The following NBEA variants were observed in gnomAD, a reference collection of about 807,000 sequenced individuals.
The protein encoded by NBEA is lysosomal-trafficking regulator 2.
A neutral mutation model predicts 343.4 loss-of-function variants in NBEA; 44 were observed. The observed-to-expected ratio is 0.13, with a 90% CI of 0.10 to 0.16. NBEA has a LOEUF of 0.16. Among genes scored for constraint, NBEA ranks in the 10% least tolerant of loss-of-function variants. The probability of loss-of-function intolerance (pLI) is 1.00; values close to 1 mark genes in which losing one functional copy is unlikely to be tolerated. For missense variants in NBEA, 2,555 were observed against 3,631.3 expected (o/e 0.70, Z 7.62); for synonymous variants, 1,175 against 1,238.7 (o/e 0.95, Z 1.08).
At chr13:35,660,144 C>T (rs1019540857) in intron 55 of NBEA, among the ~76,000 whole-genome samples, 2 of 152,192 alleles carry the variant, frequency 1.3e-5, no homozygotes, top group South Asian at 2.1e-4. Flanking sequence ...GATCTTAGGA[C>T]TTGACATTTC....
At chr13:35,606,370 T>G (rs1254634760) in intron 47 of NBEA, 56 bp from the exon 48 acceptor site, 12 of 1,033,192 alleles carry the variant, frequency 1.2e-5, no homozygotes, top group Middle Eastern at 2.2e-4. Flanking sequence ...GTTAATAGTT[T>G]TATTCAACTG....
At chr13:34,979,077 A>G (rs2152505012) in intron 1 of NBEA, among the ~76,000 whole-genome samples, 1 of 152,300 alleles carries the variant, frequency 6.6e-6, no homozygotes, top group South Asian at 2.1e-4. Flanking sequence ...TATTTTCAAC[A>G]ATGTATAACA....
chr13:35,106,342 A>G (rs905200330), intron 11 of NBEA, among the ~76,000 whole-genome samples: 2 of 152,012 alleles, frequency 1.3e-5, no homozygotes, highest in African/African-American at 2.4e-5. Context: ...TACATTTAAA[A>G]GCAGAGTCAG....
intron 1 of NBEA, among the ~76,000 whole-genome samples, chr13:35,000,833 A>G (rs2061108823): frequency 6.6e-6 from 1 of 152,090 alleles, no homozygotes; most frequent in African/African-American, 2.4e-5. Context: ...TATACCAAAA[A>G]TATCAATAGC....
At chr13:35,573,387 T>A (rs991339183) in intron 45 of NBEA, among the ~76,000 whole-genome samples, 2 of 152,200 alleles carry the variant, frequency 1.3e-5, no homozygotes, top group African/African-American at 4.8e-5. Context: ...TATTAAGCTG[T>A]TCTCCTTCTA....
intron 51 of NBEA, among the ~76,000 whole-genome samples, chr13:35,649,031 A>AG (rs999701354): frequency 1.8e-4 from 27 of 152,152 alleles, no homozygotes; most frequent in African/African-American, 5.3e-4. Flanking sequence ...AATTAAAAAA[A>AG]AAGAAGAAGA....
chr13:35,358,611 G>A (rs541377442), intron 38 of NBEA, among the ~76,000 whole-genome samples: 36 of 151,740 alleles, frequency 2.4e-4, no homozygotes, highest in African/African-American at 8.2e-4. Context: ...CCAGCTACTC[G>A]GGAGTCTGAA....
intron 38 of NBEA, among the ~76,000 whole-genome samples, chr13:35,424,532 G>A (rs2044521508): frequency 6.6e-6 from 1 of 152,142 alleles, no homozygotes; most frequent in South Asian, 2.1e-4. Context: ...TTATTGATGT[G>A]CTGCTGGATT....
chr13:35,413,285 A>C (rs1453646726), intron 38 of NBEA, among the ~76,000 whole-genome samples: 1 of 152,146 alleles, frequency 6.6e-6, no homozygotes, highest in African/African-American at 2.4e-5. Flanking sequence ...GAATTCATGC[A>C]CAGAAGTCCT....
chr13:35,375,521 C>A (rs1482691814), intron 38 of NBEA, among the ~76,000 whole-genome samples: 2 of 152,052 alleles, frequency 1.3e-5, no homozygotes, highest in Non-Finnish European at 2.9e-5. Context: ...CCCCTTCCAC[C>A]TTAACTGAAT....
chr13:35,405,777 T>A (rs2043238310), intron 38 of NBEA, among the ~76,000 whole-genome samples: 1 of 152,296 alleles, frequency 6.6e-6, no homozygotes, highest in African/African-American at 2.4e-5. Flanking sequence ...TTTCTAAAAA[T>A]AATTGAATAA....
At chr13:35,183,557 A>G (rs1445833611) in intron 29 of NBEA, among the ~76,000 whole-genome samples, 1 of 152,038 alleles carries the variant, frequency 6.6e-6, no homozygotes, top group African/African-American at 2.4e-5. Context: ...CAAACATGAG[A>G]ATATTTCATT....
At chr13:35,108,066 A>T (rs1437602560) in intron 11 of NBEA, among the ~76,000 whole-genome samples, 1 of 152,130 alleles carries the variant, frequency 6.6e-6, no homozygotes, top group Non-Finnish European at 1.5e-5. Context: ...AGCATGAAAA[A>T]TGTAGCTAAA....
intron 41 of NBEA, among the ~76,000 whole-genome samples, chr13:35,548,101 C>T (rs574767347): frequency 3.9e-5 from 6 of 152,264 alleles, no homozygotes; most frequent in African/African-American, 1.4e-4. Context: ...ACCCTTCCTC[C>T]TGTGTGGTCT....
At chr13:35,126,810 C>T (rs868254069) in intron 17 of NBEA, among the ~76,000 whole-genome samples, 3 of 150,648 alleles carry the variant, frequency 2.0e-5, no homozygotes, top group East Asian at 2.0e-4. Context: ...CCCAGCTACT[C>T]GGGAGGCTGA....
rs895011695 is a variant in NBEA, at chr13:35,152,356, T to C, written c.2446-3418T>C. Among the ~76,000 whole-genome samples the C allele has an allele frequency of 4.6e-5, 7 of 152,304 alleles. 1 individual carries two copies. The highest frequency in any genetic ancestry group is 4.6e-4 in the Admixed American group (7 of 15,296). On this transcript the variant is annotated intron_variant, in intron 18 of 58. Transcript: ENST00000379939. ...GATACCATCTTATTCAAACTTTCTATTCACAGAAAAAGAAAGTCACAAAGT... is the reference window on the plus strand; with the variant it reads ...GATACCATCTTATTCAAACTTTCTACTCACAGAAAAAGAAAGTCACAAAGT...
chr13:35,169,961 C>A (rs1265671477), intron 25 of NBEA, among the ~76,000 whole-genome samples: 2 of 151,716 alleles, frequency 1.3e-5, no homozygotes, highest in Non-Finnish European at 3.0e-5. Flanking sequence ...AAACACATTT[C>A]TGTCTCTTTC....
chr13:35,270,391 T>C (rs1046676146), intron 34 of NBEA, among the ~76,000 whole-genome samples: 3 of 152,208 alleles, frequency 2.0e-5, no homozygotes, highest in Non-Finnish European at 4.4e-5. Flanking sequence ...AAAGCTTTGG[T>C]CTACAGGTCC....
intron 11 of NBEA, among the ~76,000 whole-genome samples, chr13:35,098,648 T>G (rs974991548): frequency 2.0e-5 from 3 of 152,190 alleles, no homozygotes; most frequent in South Asian, 2.1e-4. Flanking sequence ...ATTCAAGCAA[T>G]AAGTATCATT....
Sources: gnomAD v4.1 joint callset for allele counts (sites outside exome capture counted in the v4.1 genomes callset) on GRCh38, gnomAD v4.1.1 for gene constraint, MANE v1.5 for transcripts, NCBI Gene and HGNC (gene_info 2026-07-23, HGNC 2026-07-21) for gene names.